Variants in METTL8 observed in about 807,000 individuals in gnomAD.
The protein encoded by METTL8 is methyltransferase 8, tRNA N3-cytidine.
A neutral mutation model predicts 48.7 loss-of-function variants in METTL8; 32 were observed. The ratio of observed to expected loss-of-function variants is 0.66; its 90% CI spans 0.50 to 0.88. The LOEUF (loss-of-function observed/expected upper bound fraction) is 0.88. METTL8 is among the 40% of genes least tolerant of loss of function. The pLI is 0.00. For missense variants in METTL8, 464 were observed against 474.4 expected, an observed-to-expected ratio of 0.98 and a Z score of 0.20; for synonymous variants, 136 against 157.1, an observed-to-expected ratio of 0.87 and a Z score of 1.01.
chr2:171,323,822 T>C lies in METTL8; in HGVS notation c.*350A>G, dbSNP rs534153428. On this transcript the variant is annotated 3_prime_UTR_variant, in exon 10 of 10. Coordinates refer to ENST00000375258, the MANE Select transcript of METTL8 (RefSeq NM_001321154.2). ...AACTGGTTTACTAAGCCTAAACAAATAAACAATTTTTTTTACTTGCAAAAA... is the reference window on the plus strand; with the variant it reads ...AACTGGTTTACTAAGCCTAAACAAACAAACAATTTTTTTTACTTGCAAAAA... The C allele has an allele frequency of 7.1e-4, 122 of 172,872 alleles. No homozygotes were observed. The highest frequency in any genetic ancestry group is 2.8e-3 in the African/African-American group (118 of 42,352). The allele number at this position is 172,872 out of a possible 1,614,324, so 10.7% of individuals were successfully genotyped here.
intron 9 of METTL8, among the ~76,000 whole-genome samples, chr2:171,325,322 A>G (rs1305592883): frequency 1.3e-5 from 2 of 152,068 alleles, no homozygotes; most frequent in Non-Finnish European, 2.9e-5. Flanking sequence ...AGTAGCTAGG[A>G]CTACAGGTAT....
chr2:171,377,642 A>G (rs1687110810), intron 2 of METTL8, among the ~76,000 whole-genome samples: 1 of 152,192 alleles, frequency 6.6e-6, no homozygotes, highest in Non-Finnish European at 1.5e-5. Flanking sequence ...AAAATGCTCA[A>G]CATCACTAGT....
intron 6 of METTL8, 130 bp downstream of exon 6, chr2:171,331,674 C>T: frequency 2.9e-6 from 2 of 693,792 alleles, no homozygotes; most frequent in Non-Finnish European, 5.1e-6. Context: ...ACCTTGGCCT[C>T]CCAAAGTGCT....
chr2:171,422,577 T>C (rs1691985752), intron 1 of METTL8, among the ~76,000 whole-genome samples: 1 of 152,160 alleles, frequency 6.6e-6, no homozygotes, highest in Non-Finnish European at 1.5e-5. Flanking sequence ...TGATGAAGAA[T>C]TGTTACGGAG....
At chr2:171,388,229 C>G (rs1688260774) in intron 2 of METTL8, among the ~76,000 whole-genome samples, 1 of 152,178 alleles carries the variant, frequency 6.6e-6, no homozygotes, top group Non-Finnish European at 1.5e-5. Context: ...TGCTCACTGG[C>G]CCTTTTCTGC....
Position 171,325,926 on chromosome 2 carries a change from G to A in METTL8, c.968-20C>T. 3 of 1,540,418 alleles carry A rather than the reference G, an allele frequency of 1.9e-6. No homozygotes were observed. The highest frequency in any genetic ancestry group is 2.7e-6 in the Non-Finnish European group (3 of 1,120,168). ...AATGTCCTGAAAAAAATTGTGAAAA[G>A]AGAAACTCTTAAGGGTATTCCTTTA... On this transcript the variant is annotated intron_variant, in intron 8 of 9. Coordinates refer to ENST00000375258, the MANE Select transcript of METTL8 (RefSeq NM_001321154.2).
chr2:171,331,302 G>C (rs1057508978), intron 6 of METTL8, among the ~76,000 whole-genome samples: 2 of 152,014 alleles, frequency 1.3e-5, no homozygotes, highest in African/African-American at 4.8e-5. Context: ...GTAGAGACGG[G>C]GTTTCACCAT....
chr2:171,390,528 A>T (rs962759774), intron 2 of METTL8, among the ~76,000 whole-genome samples: 1 of 152,216 alleles, frequency 6.6e-6, no homozygotes, highest in Non-Finnish European at 1.5e-5. Context: ...TCATGGGAGG[A>T]GGTCAAAATA....
chr2:171,434,537 A>C, upstream of METTL8: 1 of 1,523,170 alleles, frequency 6.6e-7, no homozygotes, highest in Non-Finnish European at 8.8e-7. Context: ...GGGGCGCGCC[A>C]CTCGGCGGCC....
chr2:171,371,836 C>CTATTACTATTAT (rs770382574), intron 2 of METTL8, among the ~76,000 whole-genome samples: 19 of 143,856 alleles, frequency 1.3e-4, no homozygotes, highest in African/African-American at 4.6e-4. Flanking sequence ...GTTATTATTA[C>CTATTACTATTAT]TATTATTATT....
intron 3 of METTL8, among the ~76,000 whole-genome samples, chr2:171,350,541 A>T (rs563572183): frequency 6.6e-6 from 1 of 152,174 alleles, no homozygotes; most frequent in Non-Finnish European, 1.5e-5. Flanking sequence ...TCGCCACACT[A>T]TCTTCCACAA....
At chr2:171,407,130 A>G (rs1690265514) in intron 1 of METTL8, among the ~76,000 whole-genome samples, 1 of 152,174 alleles carries the variant, frequency 6.6e-6, no homozygotes. Flanking sequence ...TGACTGGGAA[A>G]AAAATAATAG....
upstream of METTL8, chr2:171,434,407 C>T: frequency 8.5e-7 from 1 of 1,179,948 alleles, no homozygotes; most frequent in South Asian, 1.3e-5. Context: ...CTCTGCTTTC[C>T]CTCGCCCCGC....
At chr2:171,421,357 T>C (rs1408720126) in intron 1 of METTL8, among the ~76,000 whole-genome samples, 1 of 152,146 alleles carries the variant, frequency 6.6e-6, no homozygotes, top group Non-Finnish European at 1.5e-5. Flanking sequence ...GAGGATGACT[T>C]GAGCCTAGGA....
intron 1 of METTL8, among the ~76,000 whole-genome samples, chr2:171,418,470 A>G (rs1012540144): frequency 1.3e-5 from 2 of 152,130 alleles, no homozygotes; most frequent in Non-Finnish European, 2.9e-5. Flanking sequence ...TAAGGGCAGA[A>G]TATCTACACA....
At chr2:171,325,589 C>G (rs1276488615) in intron 9 of METTL8, among the ~76,000 whole-genome samples, 2 of 152,152 alleles carry the variant, frequency 1.3e-5, no homozygotes, top group African/African-American at 2.4e-5. Context: ...CAAAATGGAA[C>G]AGCCTTCACC....
At position 171,316,465 on chromosome 2, in the gene METTL8, A is replaced by G. The variant is rs1335790528; in HGVS notation, c.*7707T>C. Among the ~76,000 whole-genome samples the G allele has an allele frequency of 1.3e-5, 2 of 152,240 alleles. No homozygotes were observed. The highest frequency in any genetic ancestry group is 3.8e-4 in the East Asian group (2 of 5,206). ...CCTGGAGAGTGAGTTAGGGAGAGAA[A>G]GCATGGAAGAAATGTGAGTAAAACA... is the stretch of plus-strand genomic sequence containing the variant. On this transcript the variant is annotated 3_prime_UTR_variant, in exon 10 of 10. Coordinates refer to ENST00000375258, the MANE Select transcript of METTL8 (RefSeq NM_001321154.2).
intron 1 of METTL8, among the ~76,000 whole-genome samples, chr2:171,402,145 T>A (rs1048701559): frequency 2.6e-5 from 4 of 152,070 alleles, no homozygotes; most frequent in African/African-American, 9.7e-5. Flanking sequence ...TATAGAAGAA[T>A]GAGTAACATT....
intron 2 of METTL8, among the ~76,000 whole-genome samples, chr2:171,376,409 T>C (rs967001951): frequency 2.1e-4 from 32 of 152,074 alleles, no homozygotes; most frequent in African/African-American, 7.2e-5. Flanking sequence ...AGTCAAACTA[T>C]CACTGTTCAC....
Sources: allele counts gnomAD v4.1 joint callset (sites outside exome capture counted in the v4.1 genomes callset), GRCh38; gene constraint gnomAD v4.1.1; transcripts MANE v1.5; gene names NCBI Gene and HGNC (gene_info 2026-07-23, HGNC 2026-07-21).